Variants in GALNTL6 observed in about 807,000 individuals in gnomAD.
GALNTL6 encodes polypeptide N-acetylgalactosaminyltransferase-like 6.
GALNTL6 carries 46 observed loss-of-function variants against 73.7 expected under a neutral mutation model. That is an observed-to-expected ratio of 0.62 (90% CI 0.49 to 0.80). GALNTL6 has a LOEUF of 0.80. Among genes scored for constraint, GALNTL6 ranks in the 30% least tolerant of loss-of-function variants. GALNTL6 has a pLI of 0.00. For synonymous variants in GALNTL6, 259 were observed against 263.7 expected (o/e 0.98, Z 0.17); for missense variants, 604 against 755.0 (o/e 0.80, Z 2.34).
intron 3 of GALNTL6, among the ~76,000 whole-genome samples, chr4:172,238,356 G>A (rs1737310958): frequency 6.6e-6 from 1 of 152,040 alleles, no homozygotes; most frequent in Admixed American, 6.5e-5. Flanking sequence ...TATCTTTTCT[G>A]TGGCTATTGT....
chr4:172,865,632 CT>C (rs1161491378), intron 7 of GALNTL6, among the ~76,000 whole-genome samples: 1 of 152,186 alleles, frequency 6.6e-6, no homozygotes, highest in East Asian at 1.9e-4. Context: ...ACATAAATCA[CT>C]GTTTAATTAT....
intron 5 of GALNTL6, among the ~76,000 whole-genome samples, chr4:172,631,899 G>A (rs1579263821): frequency 6.6e-6 from 1 of 152,280 alleles, no homozygotes; most frequent in Non-Finnish European, 1.5e-5. Context: ...AATTAACACT[G>A]TAAGTCTACA....
chr4:172,732,177 C>T (rs1415008618), intron 5 of GALNTL6, among the ~76,000 whole-genome samples: 2 of 152,048 alleles, frequency 1.3e-5, no homozygotes, highest in Admixed American at 1.3e-4. Context: ...TCTATCTCTT[C>T]CTTTAGGTCT....
chr4:171,937,424 A>G (rs1358429971), intron 2 of GALNTL6, among the ~76,000 whole-genome samples: 1 of 152,182 alleles, frequency 6.6e-6, no homozygotes, highest in Non-Finnish European at 1.5e-5. Flanking sequence ...CCACGAAACA[A>G]TAGATTTTTA....
At chr4:171,961,271 T>C (rs996308487) in intron 2 of GALNTL6, among the ~76,000 whole-genome samples, 1 of 152,154 alleles carries the variant, frequency 6.6e-6, no homozygotes, top group Non-Finnish European at 1.5e-5. Context: ...CTTCATACCT[T>C]GTCTAACAGT....
chr4:172,294,336 A>G (rs1277477211), intron 3 of GALNTL6, among the ~76,000 whole-genome samples: 1 of 152,068 alleles, frequency 6.6e-6, no homozygotes, highest in African/African-American at 2.4e-5. Flanking sequence ...TACTTCACTC[A>G]TTATTGTATT....
chr4:172,803,626 G>A (rs191586734), intron 5 of GALNTL6, among the ~76,000 whole-genome samples: 1 of 152,296 alleles, frequency 6.6e-6, no homozygotes, highest in East Asian at 1.9e-4. Flanking sequence ...ATCACTCTTT[G>A]TGTGATGTTA....
At chr4:171,872,698 T>G (rs2062423) in intron 2 of GALNTL6, among the ~76,000 whole-genome samples, 1 of 152,174 alleles carries the variant, frequency 6.6e-6, no homozygotes, top group African/African-American at 2.4e-5. Flanking sequence ...TCTCCATCTG[T>G]GTGTGTCAGT....
chr4:172,958,899 A>G (rs1749895922), intron 10 of GALNTL6, among the ~76,000 whole-genome samples: 1 of 152,074 alleles, frequency 6.6e-6, no homozygotes, highest in African/African-American at 2.4e-5. Context: ...TATTTAGGAT[A>G]GGAGAGCATA....
intron 2 of GALNTL6, among the ~76,000 whole-genome samples, chr4:172,201,269 C>A (rs920321203): frequency 7.3e-5 from 11 of 151,692 alleles, no homozygotes; most frequent in Admixed American, 4.6e-4. Context: ...TTCAGTGGCA[C>A]GATCTTGGCT....
chr4:172,458,738 T>C (rs1732501086), intron 5 of GALNTL6, among the ~76,000 whole-genome samples: 1 of 152,024 alleles, frequency 6.6e-6, no homozygotes, highest in Non-Finnish European at 1.5e-5. Context: ...TACCAACTAA[T>C]AAAAGCCCAG....
chr4:172,660,612 A>G (rs961113088), intron 5 of GALNTL6, among the ~76,000 whole-genome samples: 1 of 152,182 alleles, frequency 6.6e-6, no homozygotes, highest in African/African-American at 2.4e-5. Context: ...TCATTCATGT[A>G]TTAAAAACTA....
At chr4:172,826,098 A>G (rs2111039031) in intron 7 of GALNTL6, among the ~76,000 whole-genome samples, 1 of 152,234 alleles carries the variant, frequency 6.6e-6, no homozygotes, top group Non-Finnish European at 1.5e-5. Context: ...TCCTGCTTCC[A>G]CCGTGAGCAG....
chr4:172,034,303 T>C (rs1741861796), intron 2 of GALNTL6, among the ~76,000 whole-genome samples: 1 of 151,944 alleles, frequency 6.6e-6, no homozygotes, highest in Non-Finnish European at 1.5e-5. Context: ...AGCTGGGATT[T>C]CCTTTTTATA....
intron 2 of GALNTL6, among the ~76,000 whole-genome samples, chr4:171,989,166 A>C (rs190300007): frequency 6.6e-6 from 1 of 152,268 alleles, no homozygotes; most frequent in East Asian, 1.9e-4. Context: ...AAATAAGGTA[A>C]TATGGAGTGA....
chr4:172,560,611 G>A (rs1736319475), intron 5 of GALNTL6, among the ~76,000 whole-genome samples: 1 of 152,144 alleles, frequency 6.6e-6, no homozygotes, highest in Admixed American at 6.5e-5. Context: ...TTCATTCACA[G>A]AATATTCTTA....
intron 2 of GALNTL6, chr4:171,815,696 T>TG (rs1734507742): frequency 6.6e-6 from 1 of 152,222 alleles, no homozygotes; most frequent in South Asian, 2.1e-4. Context: ...ATGAACACTC[T>TG]GTACCTTCCA....
At chr4:172,331,977 T>A (rs1303072838) in intron 4 of GALNTL6, among the ~76,000 whole-genome samples, 1 of 152,176 alleles carries the variant, frequency 6.6e-6, no homozygotes, top group Non-Finnish European at 1.5e-5. Context: ...CACCATTTTT[T>A]ATTCCCCAGA....
At chr4:172,813,901 C>T (rs1423225075) in intron 7 of GALNTL6, among the ~76,000 whole-genome samples, 178 bp downstream of exon 7, 3 of 152,064 alleles carry the variant, frequency 2.0e-5, no homozygotes, top group Admixed American at 1.3e-4. Context: ...CAAGCTGTAT[C>T]GAATTCATGG....
Sources: allele counts gnomAD v4.1 joint callset (sites outside exome capture counted in the v4.1 genomes callset), GRCh38; gene constraint gnomAD v4.1.1; transcripts MANE v1.5; gene names NCBI Gene and HGNC (gene_info 2026-07-23, HGNC 2026-07-21).